The following ITSN1 variants were observed in gnomAD, a reference collection of about 807,000 sequenced individuals.
ITSN1 encodes intersectin-1.
ITSN1 carries 58 observed loss-of-function variants against 239.8 expected under a neutral mutation model. The observed-to-expected ratio is 0.24, with a 90% CI of 0.20 to 0.30. The LOEUF (loss-of-function observed/expected upper bound fraction) is 0.30, where lower values mean the gene tolerates loss of function less well. Among genes scored for constraint, ITSN1 ranks in the 10% least tolerant of loss-of-function variants. ITSN1 has a pLI of 1.00. For missense variants in ITSN1, 1,558 were observed against 2,103.3 expected (o/e 0.74, Z 5.07); for synonymous variants, 780 against 770.8 (o/e 1.01, Z -0.20).
chr21:33,840,963 C>G, intron 29 of ITSN1, among the ~76,000 whole-genome samples: 1 of 152,174 alleles, frequency 6.6e-6, no homozygotes, highest in Admixed American at 6.5e-5. Context: ...TCACTCTCCT[C>G]TGGCCGGCTG....
intron 1 of ITSN1, among the ~76,000 whole-genome samples, chr21:33,670,854 T>G (rs1183297607): frequency 6.6e-6 from 1 of 152,174 alleles, no homozygotes; most frequent in African/African-American, 2.4e-5. Context: ...GTACATTACT[T>G]GGTGATTCAA....
chr21:33,698,533 C>T (rs1173596795), intron 1 of ITSN1, among the ~76,000 whole-genome samples: 1 of 152,196 alleles, frequency 6.6e-6, no homozygotes, highest in African/African-American at 2.4e-5. Flanking sequence ...TACTTATGAA[C>T]AAGCTGCATA....
intron 26 of ITSN1, among the ~76,000 whole-genome samples, chr21:33,828,408 T>G (rs979181475): frequency 6.6e-6 from 1 of 152,142 alleles, no homozygotes; most frequent in Admixed American, 6.5e-5. Flanking sequence ...TGCCCCAAGC[T>G]CTGCAAAGCA....
intron 27 of ITSN1, among the ~76,000 whole-genome samples, chr21:33,831,298 C>T (rs911377289): frequency 3.9e-5 from 6 of 152,118 alleles, no homozygotes; most frequent in Admixed American, 1.3e-4. Context: ...GTCTCTCTGG[C>T]GTTTGTTGAA....
intron 1 of ITSN1, among the ~76,000 whole-genome samples, chr21:33,701,827 G>T (rs917715684): frequency 2.6e-5 from 4 of 151,698 alleles, no homozygotes; most frequent in Non-Finnish European, 5.9e-5. Context: ...TAGCACTTTG[G>T]GAGGCTGAGG....
At chr21:33,835,814 C>A (rs28514371) in intron 28 of ITSN1, among the ~76,000 whole-genome samples, 2,744 of 152,182 alleles carry the variant, frequency 0.018, 76 homozygotes, top group African/African-American at 0.063. Context: ...GCCTGTAATC[C>A]CAGCTACTCA....
At position 33,811,004 on chromosome 21, in the gene ITSN1, C is replaced by A; in HGVS notation, c.2349C>A (p.Gly783=). The A allele has an allele frequency of 1.2e-6, 2 of 1,614,170 alleles. No homozygotes were observed. Among genetic ancestry groups the A allele is most frequent in the South Asian group, 2.2e-5 (2 of 91,080 alleles). The change falls in exon 21 of 40, where the codon GGC becomes GGA. Residue 783 remains glycine, a synonymous_variant. Transcript: ENST00000381318. ...WVDESQTGEP[G]WLGGELKGKT... Reference sequence around the variant, plus strand: ...ATGAAAGCCAAACTGGAGAACCCGGCTGGCTTGGAGGAGAATTAAAAGGAA... The same window carrying A: ...ATGAAAGCCAAACTGGAGAACCCGGATGGCTTGGAGGAGAATTAAAAGGAA...
At chr21:33,872,140 GATT>G (rs1982856800) in intron 33 of ITSN1, among the ~76,000 whole-genome samples, 2 of 152,224 alleles carry the variant, frequency 1.3e-5, no homozygotes, top group African/African-American at 4.8e-5. Flanking sequence ...ATATTGAAAA[GATT>G]ATAGGTCCCA....
intron 18 of ITSN1, among the ~76,000 whole-genome samples, chr21:33,799,270 A>G (rs779094983): frequency 4.6e-5 from 7 of 152,192 alleles, no homozygotes; most frequent in Non-Finnish European, 1.0e-4. Context: ...GAGTGTCTTC[A>G]TCGGGGATTA....
intron 12 of ITSN1, among the ~76,000 whole-genome samples, chr21:33,774,028 A>G (rs1034362553): frequency 1.3e-5 from 2 of 152,212 alleles, no homozygotes; most frequent in African/African-American, 2.4e-5. Context: ...TTTAATTTTC[A>G]GAATGAACAA....
At chr21:33,840,753 C>G (rs2074794636) in intron 29 of ITSN1, among the ~76,000 whole-genome samples, 1 of 152,242 alleles carries the variant, frequency 6.6e-6, no homozygotes, top group African/African-American at 2.4e-5. Flanking sequence ...CCACCTCGGC[C>G]TCCCAAAGTG....
At chr21:33,763,125 T>C (rs1273781735) in intron 9 of ITSN1, among the ~76,000 whole-genome samples, 1 of 151,446 alleles carries the variant, frequency 6.6e-6, no homozygotes, top group Non-Finnish European at 1.5e-5. Flanking sequence ...GCCTGTATTT[T>C]GCAATACTTG....
chr21:33,774,656 G>T, intron 12 of ITSN1, 73 bp from the exon 13 acceptor site: 1 of 1,415,110 alleles, frequency 7.1e-7, no homozygotes, highest in Admixed American at 2.2e-5. Context: ...CTTCCTAGAT[G>T]CCATTTTTGT....
At chr21:33,819,020 TGTGTCCA>T (rs947960975) in intron 23 of ITSN1, among the ~76,000 whole-genome samples, 21 of 152,338 alleles carry the variant, frequency 1.4e-4, no homozygotes, top group African/African-American at 5.1e-4. Context: ...ACATAAGCCA[TGTGTCCA>T]GTATAGCAAA....
intron 11 of ITSN1, among the ~76,000 whole-genome samples, chr21:33,770,053 CTAAT>C (rs1337967564): frequency 6.6e-6 from 1 of 151,008 alleles, no homozygotes; most frequent in Non-Finnish European, 1.5e-5. Context: ...CTCTCAACGG[CTAAT>C]TTTTTTTGTT....
intron 34 of ITSN1, among the ~76,000 whole-genome samples, chr21:33,880,691 C>G (rs1411696931): frequency 6.6e-6 from 1 of 152,134 alleles, no homozygotes; most frequent in African/African-American, 2.4e-5. Flanking sequence ...ACCTATCACT[C>G]CTTCACAAAT....
chr21:33,657,003 G>A (rs1684695117), intron 1 of ITSN1, among the ~76,000 whole-genome samples: 1 of 152,158 alleles, frequency 6.6e-6, no homozygotes, highest in Admixed American at 6.5e-5. Context: ...TTACAGGCGT[G>A]AGCCACCATG....
At chr21:33,860,113 C>G (rs1980191176) in intron 31 of ITSN1, among the ~76,000 whole-genome samples, 1 of 151,990 alleles carries the variant, frequency 6.6e-6, no homozygotes, top group South Asian at 2.1e-4. Context: ...TTGAGACCAG[C>G]CTGGGCAACA....
intron 25 of ITSN1, 43 bp from the exon 26 acceptor site, chr21:33,826,775 C>G (rs752450937): frequency 4.4e-6 from 7 of 1,583,698 alleles, no homozygotes; most frequent in East Asian, 4.5e-5. Flanking sequence ...GTTGCATGAT[C>G]AAAACTTCAG....
Sources: gnomAD v4.1 joint callset for allele counts (sites outside exome capture counted in the v4.1 genomes callset) on GRCh38, gnomAD v4.1.1 for gene constraint, MANE v1.5 for transcripts, NCBI Gene and HGNC (gene_info 2026-07-23, HGNC 2026-07-21) for gene names.